Variants in LYRM4 observed in about 807,000 individuals in gnomAD.
The protein encoded by LYRM4 is LYR motif-containing protein 4.
Under a neutral mutation model 11.7 loss-of-function variants are expected in LYRM4, and 9 were observed. That is an observed-to-expected ratio of 0.77 (90% CI 0.46 to 1.34). The LOEUF (loss-of-function observed/expected upper bound fraction) is 1.34. Among genes scored for constraint, LYRM4 ranks in the 40% most tolerant of loss-of-function variants. LYRM4 has a pLI of 0.00. For missense variants in LYRM4, 133 were observed against 112.5 expected (o/e 1.18, Z -0.82); for synonymous variants, 42 against 40.4 (o/e 1.04, Z -0.15).
the LYRM4 span, among the ~76,000 whole-genome samples, chr6:5,049,305 T>C: frequency 0.14 from 21,716 of 152,086 alleles, 1,924 homozygotes; most frequent in African/African-American, 0.25. Context: ...GGGCTCTCCA[T>C]TGGACTCTGA....
intron 2 of LYRM4, among the ~76,000 whole-genome samples, chr6:5,134,664 T>C (rs1756975395): frequency 6.6e-6 from 1 of 152,222 alleles, no homozygotes; most frequent in Non-Finnish European, 1.5e-5. Context: ...AAATACCATC[T>C]ATTGATATTA....
At chr6:5,198,954 G>A (rs906007357) in intron 2 of LYRM4, among the ~76,000 whole-genome samples, 1 of 152,204 alleles carries the variant, frequency 6.6e-6, no homozygotes, top group Admixed American at 6.5e-5. Context: ...CCTTGCTGGT[G>A]GTAATAATGC....
chr6:5,215,095 C>A (rs906450266), intron 2 of LYRM4, among the ~76,000 whole-genome samples: 1 of 151,160 alleles, frequency 6.6e-6, no homozygotes, highest in Non-Finnish European at 1.5e-5. Context: ...GTGACACAGA[C>A]AATTAGATAT....
At chr6:5,040,188 G>A in the LYRM4 span, among the ~76,000 whole-genome samples, 3 of 151,246 alleles carry the variant, frequency 2.0e-5, no homozygotes, top group East Asian at 2.0e-4. Flanking sequence ...GCATGGTGGC[G>A]CACGCCTGTA....
At chr6:5,099,167 T>G (rs1169303705), downstream of LYRM4, among the ~76,000 whole-genome samples, 1 of 151,864 alleles carries the variant, frequency 6.6e-6, no homozygotes, top group East Asian at 1.9e-4. The surrounding 1 kb of genome is among the most constrained non-coding windows in gnomAD (Gnocchi z 4.3). Context: ...ATGTTTCCCT[T>G]GGATTTGAAG....
chr6:5,138,657 T>C, intron 2 of LYRM4: 1 of 1,370,622 alleles, frequency 7.3e-7, no homozygotes, highest in Non-Finnish European at 9.9e-7. Flanking sequence ...AATTCTAACA[T>C]GCTCCCCACT....
intron 1 of LYRM4, chr6:5,218,418 A>G: frequency 4.1e-6 from 4 of 982,256 alleles, no homozygotes; most frequent in Non-Finnish European, 4.8e-6. Flanking sequence ...CTTAAAAAGG[A>G]CAAATTGTTT....
chr6:5,157,511 TAA>T (rs527534440), intron 2 of LYRM4, among the ~76,000 whole-genome samples: 16 of 133,866 alleles, frequency 1.2e-4, no homozygotes, highest in Non-Finnish European at 1.2e-4. Context: ...TATCTAAAAC[TAA>T]AAAAAAAAAA....
At chr6:5,221,710 A>AAAC (rs1262888814) in intron 1 of LYRM4, among the ~76,000 whole-genome samples, 1 of 152,190 alleles carries the variant, frequency 6.6e-6, no homozygotes, top group Admixed American at 6.5e-5. Context: ...ACAAACAAAC[A>AAAC]AACAAAAACC....
intron 2 of LYRM4, among the ~76,000 whole-genome samples, chr6:5,176,318 C>T (rs772960504): frequency 3.9e-5 from 6 of 152,190 alleles, no homozygotes; most frequent in Non-Finnish European, 7.3e-5. Context: ...CCGCCTCAGC[C>T]TCCCAAAGTG....
intron 1 of LYRM4, among the ~76,000 whole-genome samples, chr6:5,254,772 C>T (rs1054508949): frequency 1.3e-5 from 2 of 152,106 alleles, no homozygotes; most frequent in Non-Finnish European, 2.9e-5. Context: ...AATGAAATAC[C>T]GTTCATTCTG....
At chr6:5,161,462 T>C (rs1333933175) in intron 2 of LYRM4, among the ~76,000 whole-genome samples, 4 of 152,248 alleles carry the variant, frequency 2.6e-5, no homozygotes, top group South Asian at 2.1e-4. Context: ...GAGTACAGCC[T>C]TACTGGTTAG....
At chr6:5,124,653 T>C in intron 2 of LYRM4, among the ~76,000 whole-genome samples, 1 of 152,126 alleles carries the variant, frequency 6.6e-6, no homozygotes, top group Non-Finnish European at 1.5e-5. Context: ...GGATCAACAG[T>C]GGGCGGCAGA....
At chr6:5,173,857 G>C (rs1377133942) in intron 2 of LYRM4, among the ~76,000 whole-genome samples, 2 of 152,224 alleles carry the variant, frequency 1.3e-5, no homozygotes, top group Non-Finnish European at 2.9e-5. Context: ...GTTAGACATA[G>C]AGTTGCTTTC....
chr6:5,035,925 A>G, the LYRM4 span, among the ~76,000 whole-genome samples: 15 of 149,654 alleles, frequency 1.0e-4, no homozygotes, highest in Non-Finnish European at 2.2e-4. Context: ...TATCATGCCT[A>G]TTTAATTGAT....
the LYRM4 span, among the ~76,000 whole-genome samples, chr6:5,074,612 G>A: frequency 3.3e-5 from 5 of 149,986 alleles, no homozygotes; most frequent in Non-Finnish European, 5.9e-5. Flanking sequence ...GTGAGGAGTT[G>A]CTTTTCTTTC....
At chr6:5,176,584 G>A (rs1428159773) in intron 2 of LYRM4, among the ~76,000 whole-genome samples, 1 of 152,172 alleles carries the variant, frequency 6.6e-6, no homozygotes, top group Non-Finnish European at 1.5e-5. Flanking sequence ...AGGTTTCCTG[G>A]GCAGTTTTCA....
At chr6:5,037,853 C>G in the LYRM4 span, among the ~76,000 whole-genome samples, 4 of 51,384 alleles carry the variant, frequency 7.8e-5, no homozygotes, top group African/African-American at 1.8e-4. Context: ...GGCGGCTGGC[C>G]GGGCAGAGGG....
At chr6:5,127,546 T>C (rs796100473) in intron 2 of LYRM4, among the ~76,000 whole-genome samples, 2 of 152,320 alleles carry the variant, frequency 1.3e-5, no homozygotes, top group African/African-American at 4.8e-5. Context: ...GCACTTGAAA[T>C]ATGGCTGGTC....
Sources: allele counts gnomAD v4.1 joint callset (sites outside exome capture counted in the v4.1 genomes callset), GRCh38; gene constraint gnomAD v4.1.1; non-coding constraint Gnocchi (gnomAD v3.1); transcripts MANE v1.5; gene names NCBI Gene and HGNC (gene_info 2026-07-23, HGNC 2026-07-21).